Variants in PARN observed in about 807,000 individuals in gnomAD.
The protein encoded by PARN is poly(A)-specific ribonuclease, also known as poly(A)-specific ribonuclease PARN.
A neutral mutation model predicts 102.8 loss-of-function variants in PARN; 71 were observed. The ratio of observed to expected loss-of-function variants is 0.69; its 90% confidence interval spans 0.57 to 0.84. PARN has a LOEUF of 0.84. Ranked by LOEUF, PARN falls within the 40% of genes least tolerant of loss-of-function variation. PARN has a pLI of 0.00. For missense variants in PARN, 782 were observed against 760.9 expected (o/e 1.03, Z -0.33); for synonymous variants, 261 against 252.9 (o/e 1.03, Z -0.30).
chr16:14,444,983 ATT>A (rs564058919), intron 23 of PARN, among the ~76,000 whole-genome samples: 6 of 117,952 alleles, frequency 5.1e-5, no homozygotes, highest in Admixed American at 9.4e-5. Context: ...TAATATTTAA[ATT>A]TTTTTTTTTT....
At chr16:14,572,256 C>T (rs921060996) in intron 18 of PARN, among the ~76,000 whole-genome samples, 8 of 152,198 alleles carry the variant, frequency 5.3e-5, no homozygotes, top group Non-Finnish European at 1.0e-4. Context: ...CGCCATGCTG[C>T]TGGGCACGAA....
At chr16:14,552,825 G>A (rs1249250988) in intron 20 of PARN, among the ~76,000 whole-genome samples, 4 of 152,052 alleles carry the variant, frequency 2.6e-5, no homozygotes, top group African/African-American at 9.7e-5. Flanking sequence ...GCGCATGCCT[G>A]TAATCCCAGC....
At chr16:14,586,725 C>A (rs1301346740) in intron 13 of PARN, among the ~76,000 whole-genome samples, 2 of 152,150 alleles carry the variant, frequency 1.3e-5, no homozygotes, top group East Asian at 1.9e-4. Flanking sequence ...AGGCTGCGAT[C>A]TACCACACAA....
At chr16:14,614,846 C>CAAAAAAAAAAAAAAAAAAAA (rs57502376) in intron 6 of PARN, among the ~76,000 whole-genome samples, 9 of 37,654 alleles carry the variant, frequency 2.4e-4, no homozygotes, top group Non-Finnish European at 2.6e-4. Flanking sequence ...GAAACTGTCT[C>CAAAAAAAAAAAAAAAAAAAA]AAAAAAAAAA....
At chr16:14,588,953 G>C (rs144050537) in intron 13 of PARN, among the ~76,000 whole-genome samples, 336 of 152,138 alleles carry the variant, frequency 2.2e-3, no homozygotes, top group African/African-American at 7.8e-3. Context: ...GCCAAAGCAG[G>C]TGGATTACCT....
intron 9 of PARN, among the ~76,000 whole-genome samples, chr16:14,606,754 A>AT (rs897438850): frequency 5.3e-5 from 8 of 150,634 alleles, no homozygotes; most frequent in Non-Finnish European, 8.9e-5. Flanking sequence ...CTTCAAATTA[A>AT]TTTTTTTTAG....
At chr16:14,482,383 C>T (rs1348076979) in intron 22 of PARN, among the ~76,000 whole-genome samples, 2 of 151,498 alleles carry the variant, frequency 1.3e-5, no homozygotes, top group African/African-American at 4.9e-5. Flanking sequence ...CAGAATGAGA[C>T]CCTGTCTCAA....
chr16:14,618,099 A>G (rs985713149), intron 5 of PARN, among the ~76,000 whole-genome samples: 9 of 152,318 alleles, frequency 5.9e-5, no homozygotes, highest in South Asian at 4.1e-4. Flanking sequence ...AGGTGGGCAC[A>G]TCACTTGAGG....
intron 21 of PARN, among the ~76,000 whole-genome samples, chr16:14,530,516 G>A (rs1198643912): frequency 6.7e-6 from 1 of 150,202 alleles, no homozygotes; most frequent in Non-Finnish European, 1.5e-5. Flanking sequence ...ACATCTGTAC[G>A]TACAGAACCC....
chr16:14,547,396 G>A (rs1355211472), intron 21 of PARN, among the ~76,000 whole-genome samples: 1 of 152,108 alleles, frequency 6.6e-6, no homozygotes, highest in Non-Finnish European at 1.5e-5. Flanking sequence ...CTATAAAAGA[G>A]AACTTTCATA....
At position 14,553,011 on chromosome 16, in the gene PARN, C is replaced by A. The variant is rs117412077; in HGVS notation, c.1406-916G>T. ...AAGTAACTTTATATGCCTTAACGTT[C>A]GTTCTGACTTATTTTAAATATTTAC... On this transcript the variant is annotated intron_variant, in intron 20 of 23. Transcript: ENST00000437198. Among the ~76,000 whole-genome samples the A allele has an allele frequency of 2.9e-3, 437 of 151,800 alleles. 4 individuals carry two copies. Among genetic ancestry groups the A allele is most frequent in the Admixed American group, 0.013 (193 of 15,244 alleles).
chr16:14,582,642 C>G (rs536546865), intron 16 of PARN, among the ~76,000 whole-genome samples: 1 of 151,822 alleles, frequency 6.6e-6, no homozygotes, highest in East Asian at 1.9e-4. Flanking sequence ...GATATTCTTC[C>G]CTTATACAAG....
rs2151754092 is a variant in PARN at position 14,584,422 on chromosome 16, C to A, written c.1006G>T (p.Asp336Tyr). Residue 336 changes from aspartate to tyrosine, a missense_variant and splice_region_variant, in exon 16 of 24, where the codon GAT becomes TAT. Transcript: ENST00000437198. ...KLMASTQPFK[D>Y]IINNTSLAEL... ...GCAAGGGATGTGTTGTTAATGATAT[C>A]CTGCAAACCACGAAGCAAAGAATTA... The A allele has an allele frequency of 3.1e-6, 5 of 1,611,438 alleles. No individual in the cohort carries two copies. The Middle Eastern group carries it at 5.0e-4, about 160-fold the overall frequency.
intron 18 of PARN, among the ~76,000 whole-genome samples, chr16:14,562,641 A>C (rs916908033): frequency 2.6e-5 from 4 of 151,474 alleles, no homozygotes; most frequent in African/African-American, 9.7e-5. Flanking sequence ...CTTGTTTTTA[A>C]GTAGATTTAA....
intron 22 of PARN, among the ~76,000 whole-genome samples, chr16:14,449,449 T>C (rs1488705965): frequency 1.3e-5 from 2 of 152,188 alleles, no homozygotes; most frequent in African/African-American, 4.8e-5. Flanking sequence ...AATCCAGGTG[T>C]AGAAAAAGGT....
chr16:14,500,482 C>A (rs1364283101), intron 21 of PARN, among the ~76,000 whole-genome samples: 3 of 152,138 alleles, frequency 2.0e-5, no homozygotes, highest in African/African-American at 7.2e-5. Context: ...CCATAGCTCA[C>A]TGGAGCCTCA....
At chr16:14,601,903 T>TCAAA (rs1970890215) in intron 11 of PARN, 1 of 150,224 alleles carries the variant, frequency 6.7e-6, no homozygotes, top group Non-Finnish European at 1.5e-5. Context: ...AGGCTCCATT[T>TCAAA]CAAACAAAAA....
chr16:14,550,728 G>A (rs561095478), intron 21 of PARN, among the ~76,000 whole-genome samples: 3 of 152,218 alleles, frequency 2.0e-5, no homozygotes, highest in African/African-American at 7.2e-5. Context: ...GCGGCATTTT[G>A]TTAAAGTAAA....
At chr16:14,501,435 C>CCAAAAAAAAAAAAAAAAAAAAAA (rs1964593234) in intron 21 of PARN, 1 of 27,592 alleles carries the variant, frequency 3.6e-5, no homozygotes, top group Non-Finnish European at 8.2e-5. Context: ...CAAGACTGTC[C>CCAAAAAAAAAAAAAAAAAAAAAA]AAAAAAAAAA....
Sources: gnomAD v4.1 joint callset for allele counts (sites outside exome capture counted in the v4.1 genomes callset) on GRCh38, gnomAD v4.1.1 for gene constraint, MANE v1.5 for transcripts, NCBI Gene and HGNC (gene_info 2026-07-23, HGNC 2026-07-21) for gene names.